The following NIPAL3 variants were observed in gnomAD, a reference collection of about 807,000 sequenced individuals.
The protein encoded by NIPAL3 is NIPA like domain containing 3, also known as NIPA-like protein 3.
Under a neutral mutation model 47.2 loss-of-function variants are expected in NIPAL3, and 41 were observed. The observed-to-expected ratio is 0.87, with a 90% CI of 0.68 to 1.13. The LOEUF (loss-of-function observed/expected upper bound fraction) is 1.13. Ranked by LOEUF, NIPAL3 falls within the 50% of genes most tolerant of loss-of-function variation. The pLI, the probability that NIPAL3 is intolerant of heterozygous loss-of-function variation, is 0.00. For missense variants in NIPAL3, 449 were observed against 530.1 expected (o/e 0.85, Z 1.50); for synonymous variants, 194 against 209.6 (o/e 0.93, Z 0.64).
intron 8 of NIPAL3, among the ~76,000 whole-genome samples, chr1:24,457,081 G>T (rs891334208): frequency 3.9e-5 from 6 of 152,156 alleles, no homozygotes; most frequent in Non-Finnish European, 8.8e-5. Flanking sequence ...GAAATTTGTG[G>T]TTGGAGGCAG....
intron 1 of NIPAL3, 142 bp from the exon 2 acceptor site, chr1:24,419,149 G>A (rs892355742): frequency 7.9e-6 from 2 of 252,614 alleles, no homozygotes; most frequent in African/African-American, 2.3e-5. Flanking sequence ...TGCTAGAATT[G>A]AATTTTGAAG....
chr1:24,438,550 G>T (rs532780608), intron 2 of NIPAL3, among the ~76,000 whole-genome samples: 3 of 152,248 alleles, frequency 2.0e-5, no homozygotes, highest in South Asian at 2.1e-4. Context: ...GAGAGGGCAG[G>T]GGGGAGGGTT....
At chr1:24,419,713 A>T in intron 2 of NIPAL3, 73 bp downstream of exon 2, 1 of 1,335,812 alleles carries the variant, frequency 7.5e-7, no homozygotes, top group Non-Finnish European at 1.1e-6. Context: ...TGCATTGGCT[A>T]ACAGATATGT....
chr1:24,457,803 T>G (rs1646289101), intron 8 of NIPAL3: 4 of 533,260 alleles, frequency 7.5e-6, no homozygotes, highest in South Asian at 1.4e-5. Context: ...CACATGAAGC[T>G]CTTATGAGAA....
At chr1:24,460,971 A>C (rs1646443032) in intron 10 of NIPAL3, among the ~76,000 whole-genome samples, 3 of 152,242 alleles carry the variant, frequency 2.0e-5, no homozygotes, top group Admixed American at 2.0e-4. Context: ...CAAAAAATCC[A>C]AACAAGCATA....
intron 2 of NIPAL3, among the ~76,000 whole-genome samples, chr1:24,427,021 T>C (rs1328157160): frequency 6.6e-6 from 1 of 152,204 alleles, no homozygotes; most frequent in East Asian, 1.9e-4. Context: ...CGTGTACTTG[T>C]GAATGCTCCA....
At chr1:24,425,519 CAG>C (rs1644540463) in intron 2 of NIPAL3, among the ~76,000 whole-genome samples, 1 of 152,094 alleles carries the variant, frequency 6.6e-6, no homozygotes, top group East Asian at 1.9e-4. Context: ...CCCCTCAAGA[CAG>C]AATTCGACAC....
intron 5 of NIPAL3, among the ~76,000 whole-genome samples, chr1:24,445,630 G>C (rs1645621758): frequency 6.6e-6 from 1 of 152,128 alleles, no homozygotes; most frequent in South Asian, 2.1e-4. Flanking sequence ...GAGCATTTTA[G>C]GTGAGCTAGA....
At position 24,451,997 on chromosome 1, in the gene NIPAL3, T is replaced by C. The variant is rs750607753; in HGVS notation, c.541-1411T>C. 5.9e-5 allele frequency among the ~76,000 whole-genome samples: 9 copies of C among 152,248 alleles called. No individual in the cohort carries two copies. Among genetic ancestry groups the C allele is most frequent in the Non-Finnish European group, 1.2e-4 (8 of 68,034 alleles). On this transcript the variant is annotated intron_variant, in intron 6 of 11. Coordinates refer to ENST00000374399, the MANE Select transcript of NIPAL3 (RefSeq NM_020448.5). This position sits in a 1 kb window ranked among gnomAD's most constrained non-coding sequence, Gnocchi z 4.5. ...GGGAAATGAAAGCAGCTGTGTTTTA[T>C]GGTCTCTAATTAGAAGGAATGTTTT...
rs1326378585 is a variant in NIPAL3, at chr1:24,470,607, C to T, written c.*1422C>T. 6.6e-6 allele frequency: 1 copy of T among 152,220 alleles called. No individual in the cohort carries two copies. The highest frequency in any genetic ancestry group is 1.9e-4 in the East Asian group (1 of 5,200). The allele number at this position is 152,220 out of a possible 1,614,324, so 9.4% of individuals were successfully genotyped here. A position where few individuals can be genotyped will look rare whatever the true frequency, so the allele number is the denominator to read the frequency against. On this transcript the variant is annotated 3_prime_UTR_variant, in exon 12 of 12. Coordinates refer to ENST00000374399, the MANE Select transcript of NIPAL3 (RefSeq NM_020448.5). ...TAAATACTCCCCATAGGATCTGTGG[C>T]ATTTCTCCATCCAATGAATACTACT... is the stretch of plus-strand genomic sequence containing the variant.
At chr1:24,457,985 C>T (rs545424544) in intron 8 of NIPAL3, among the ~76,000 whole-genome samples, 1 of 152,354 alleles carries the variant, frequency 6.6e-6, no homozygotes, top group Non-Finnish European at 1.5e-5. Context: ...AAACATGGCT[C>T]AGATGCCACC....
At chr1:24,462,211 C>T (rs1015410936) in intron 10 of NIPAL3, among the ~76,000 whole-genome samples, 1 of 152,140 alleles carries the variant, frequency 6.6e-6, no homozygotes, top group African/African-American at 2.4e-5. Flanking sequence ...ATGGGGGTAA[C>T]TGCTCCCATG....
intron 2 of NIPAL3, among the ~76,000 whole-genome samples, chr1:24,432,275 G>A (rs1644914455): frequency 6.6e-6 from 1 of 152,132 alleles, no homozygotes. Context: ...TTACAGGCGT[G>A]TGCCACCATG....
intron 2 of NIPAL3, among the ~76,000 whole-genome samples, chr1:24,427,883 T>G (rs916625133): frequency 1.3e-5 from 2 of 152,170 alleles, no homozygotes; most frequent in African/African-American, 4.8e-5. Context: ...CTCCTTTCTC[T>G]GGCCCCGCTT....
In NIPAL3 at chr1:24,469,466, C is replaced by G. The variant is rs1013264339; in HGVS notation, c.*281C>G. On this transcript the variant is annotated 3_prime_UTR_variant, in exon 12 of 12. Coordinates refer to ENST00000374399, the MANE Select transcript of NIPAL3 (RefSeq NM_020448.5). The stretch of plus-strand genomic sequence containing the variant: ...GGATTTGGAAAGCCTTTCTACCATC[C>G]TTGAGGATGGTAACTGAGCTTCCTC... 1 of 352,158 alleles carries G rather than the reference C, an allele frequency of 2.8e-6. No homozygotes were observed. Among genetic ancestry groups the G allele is most frequent in the African/African-American group, 2.0e-5 (1 of 49,332 alleles). The allele number at this position is 352,158 out of a possible 1,614,324, so 21.8% of individuals were successfully genotyped here.
At chr1:24,460,426 C>T (rs1310219947) in intron 9 of NIPAL3, 55 bp from the exon 10 acceptor site, 2 of 1,418,292 alleles carry the variant, frequency 1.4e-6, no homozygotes, top group Middle Eastern at 1.8e-4. Flanking sequence ...GACAGACTGG[C>T]AGATGGGTGA....
chr1:24,448,386 C>T (rs2148823070), intron 5 of NIPAL3, among the ~76,000 whole-genome samples: 1 of 152,230 alleles, frequency 6.6e-6, no homozygotes, highest in South Asian at 2.1e-4. Context: ...ACCTGGACCA[C>T]TAACAGTTCT....
intron 2 of NIPAL3, among the ~76,000 whole-genome samples, chr1:24,428,303 A>G (rs950483028): frequency 7.2e-6 from 1 of 139,488 alleles, no homozygotes; most frequent in East Asian, 2.3e-4. Context: ...AGAGAGAGAG[A>G]CACCAGAACC....
At chr1:24,460,848 T>G (rs1646437495) in intron 10 of NIPAL3, among the ~76,000 whole-genome samples, 1 of 152,196 alleles carries the variant, frequency 6.6e-6, no homozygotes, top group Non-Finnish European at 1.5e-5. Context: ...ACCATCATTT[T>G]GCAAAAACTA....
Sources: gnomAD v4.1 joint callset for allele counts (sites outside exome capture counted in the v4.1 genomes callset) on GRCh38, gnomAD v4.1.1 for gene constraint, Gnocchi (gnomAD v3.1) non-coding constraint, MANE v1.5 for transcripts, NCBI Gene and HGNC (gene_info 2026-07-23, HGNC 2026-07-21) for gene names.